Variants in OTOP1 observed in about 807,000 individuals in gnomAD.
The protein encoded by OTOP1 is proton channel OTOP1.
Under a neutral mutation model 52.9 loss-of-function variants are expected in OTOP1, and 59 were observed. The ratio of observed to expected loss-of-function variants is 1.12; its 90% CI spans 0.91 to 1.39. The LOEUF is 1.39. Among genes scored for constraint, OTOP1 ranks in the 40% most tolerant of loss-of-function variants. The pLI is 0.00. For synonymous variants in OTOP1, 317 were observed against 337.7 expected (o/e 0.94, Z 0.67); for missense variants, 761 against 800.9 (o/e 0.95, Z 0.60).
In OTOP1 at chr4:4,212,810, A is replaced by G. The variant is rs968874364; in HGVS notation, c.540+58T>C. ...ACGTCTTGATGTTACAAGTTTCTAC[A>G]CAACCTGGGATACACTTCATAGGAA... On this transcript the variant is annotated intron_variant, in intron 2 of 5. Transcript: ENST00000296358. 3.8e-6 allele frequency: 6 copies of G among 1,587,712 alleles called. No individual in the cohort carries two copies. In the African/African-American group the frequency reaches 8.1e-5, roughly 21 times the overall value.
chr4:4,222,115 G>A (rs1425783857), intron 1 of OTOP1, among the ~76,000 whole-genome samples: 1 of 152,132 alleles, frequency 6.6e-6, no homozygotes, highest in East Asian at 1.9e-4. Flanking sequence ...TGTGCCAGGA[G>A]CTCAGGATAC....
At chr4:4,219,515 C>A (rs1485193412) in intron 1 of OTOP1, among the ~76,000 whole-genome samples, 2 of 151,908 alleles carry the variant, frequency 1.3e-5, no homozygotes, top group East Asian at 1.9e-4. Flanking sequence ...TCCTGGCCAA[C>A]ACGGTGAAAC....
chr4:4,219,430 G>A (rs1002124867), intron 1 of OTOP1, among the ~76,000 whole-genome samples: 7 of 152,134 alleles, frequency 4.6e-5, no homozygotes, highest in East Asian at 3.8e-4. Flanking sequence ...TGCCGGGCGC[G>A]GTGGCTCACG....
chr4:4,197,976 G>C lies in OTOP1; in HGVS notation c.858C>G (p.Tyr286Ter), dbSNP rs779783904. ...EYQILASTML[Y>*]VLWKNIGRKV... ...TGCGCCCGATGTTCTTCCACAGGAC[G>C]TAGAGCATTGTGGAGGCCAGGATCT... is the stretch of plus-strand genomic sequence containing the variant. The change falls in exon 5 of 6, where the codon TAC (tyrosine) becomes TAG (stop). Residue 286 changes from tyrosine to a stop codon, truncating the protein, a stop_gained. Coordinates refer to ENST00000296358, the MANE Select transcript of OTOP1 (RefSeq NM_177998.3). LOFTEE classifies it high-confidence loss of function. 7 of 1,614,086 alleles carry C rather than the reference G, an allele frequency of 4.3e-6. No individual in the cohort carries two copies. Among genetic ancestry groups the C allele is most frequent in the Non-Finnish European group, 5.9e-6 (7 of 1,180,018 alleles).
chr4:4,196,058 T>C (rs1304574764), intron 5 of OTOP1, among the ~76,000 whole-genome samples: 1 of 152,238 alleles, frequency 6.6e-6, no homozygotes, highest in African/African-American at 2.4e-5. Context: ...TATTACAAGC[T>C]GCCTCCATTC....
intron 1 of OTOP1, among the ~76,000 whole-genome samples, chr4:4,214,592 T>C (rs1191677407): frequency 6.6e-6 from 1 of 152,124 alleles, no homozygotes; most frequent in Non-Finnish European, 1.5e-5. Context: ...CAATGAGGTA[T>C]AGACATACAA....
intron 4 of OTOP1, 152 bp downstream of exon 4, chr4:4,202,296 T>G: frequency 9.5e-7 from 1 of 1,055,072 alleles, no homozygotes; most frequent in East Asian, 2.7e-5. Context: ...TTTGGAAGAT[T>G]TTCAACAACA....
At chr4:4,220,100 TATATA>T (rs1480933205) in intron 1 of OTOP1, among the ~76,000 whole-genome samples, 3,384 of 94,556 alleles carry the variant, frequency 0.036, 349 homozygotes, top group African/African-American at 0.15. Context: ...TATATATATA[TATATA>T]TTTTTTTTTT....
chr4:4,222,391 T>C (rs1013209161), intron 1 of OTOP1, among the ~76,000 whole-genome samples: 1 of 152,074 alleles, frequency 6.6e-6, no homozygotes, highest in Non-Finnish European at 1.5e-5. Flanking sequence ...GACCTCCGCA[T>C]CCTTCTCTCT....
chr4:4,189,481 C>A (rs1443774769), intron 5 of OTOP1, among the ~76,000 whole-genome samples: 1 of 152,194 alleles, frequency 6.6e-6, no homozygotes, highest in African/African-American at 2.4e-5. Flanking sequence ...CCGGCTGTAG[C>A]CTTCTTCAGC....
intron 3 of OTOP1, among the ~76,000 whole-genome samples, chr4:4,205,015 G>A (rs920359565): frequency 3.2e-4 from 49 of 152,030 alleles, no homozygotes; most frequent in African/African-American, 1.0e-3. Flanking sequence ...TTCGTGATCC[G>A]CCCACCTGGG....
rs147648770 is a variant in OTOP1, at chr4:4,188,959, G to A, written c.1683C>T (p.Pro561=). 7.4e-6 allele frequency: 12 copies of A among 1,612,340 alleles called. No individual in the cohort carries two copies. The highest frequency in any genetic ancestry group is 4.0e-5 in the African/African-American group (3 of 74,848). The change falls in exon 6 of 6, where the codon CCC becomes CCT. Residue 561 remains proline (P), a synonymous_variant. Transcript: ENST00000296358. ...CATACTCAGGTCGACAGCCAAAGGC[G>A]GGAGGTATCCAAAGCTGCAAGAGAA... ...FLCNISLWIP[P]AFGCRPEYDN...
chr4:4,201,471 TAC>T lies in OTOP1; in HGVS notation c.730+975_730+976del, dbSNP rs762922216. ...GAATAAATAAATAAATATATATATATACACACACACACACACACACACACACA... is the reference window on the plus strand; with the variant it reads ...GAATAAATAAATAAATATATATATATACACACACACACACACACACACACA... On this transcript the variant is annotated intron_variant, in intron 4 of 5. Coordinates refer to ENST00000296358, the MANE Select transcript of OTOP1 (RefSeq NM_177998.3). Among the ~76,000 whole-genome samples the T allele has an allele frequency of 5.8e-3, 818 of 140,818 alleles. 3 individuals are homozygous for T. The highest frequency in any genetic ancestry group is 8.7e-3 in the Non-Finnish European group (568 of 65,632). The allele number at this position is 140,818 out of a possible 152,430, so 92.4% of individuals were successfully genotyped here.
intron 5 of OTOP1, among the ~76,000 whole-genome samples, chr4:4,192,891 G>T (rs1488106077): frequency 6.6e-6 from 1 of 152,120 alleles, no homozygotes; most frequent in South Asian, 2.1e-4. Flanking sequence ...GGGGAGAATG[G>T]GGAGTTCATA....
At chr4:4,219,836 C>CAT (rs71169624) in intron 1 of OTOP1, among the ~76,000 whole-genome samples, 61,681 of 141,064 alleles carry the variant, frequency 0.44, 15,704 homozygotes, top group Non-Finnish European at 0.59. Context: ...TATGTGTATA[C>CAT]ATATATATAC....
intron 3 of OTOP1, among the ~76,000 whole-genome samples, chr4:4,204,453 C>T (rs1302986319): frequency 1.3e-5 from 2 of 152,186 alleles, no homozygotes; most frequent in African/African-American, 4.8e-5. Context: ...GTCCAAATGG[C>T]ACTGTCCAGT....
At position 4,219,042 on chromosome 4, in the gene OTOP1, A is replaced by G. The variant is rs147981334; in HGVS notation, c.404-6038T>C. On this transcript the variant is annotated intron_variant, in intron 1 of 5. Transcript: ENST00000296358. ...AATTTTTCAAATGCTCAAAAAAGGC[A>G]AACATGTGGAAAAGGAAAAGGAGGA... Among the ~76,000 whole-genome samples the G allele has an allele frequency of 1.5e-3, 223 of 152,308 alleles. 1 individual carries two copies. The highest frequency in any genetic ancestry group is 4.5e-3 in the African/African-American group (185 of 41,544).
chr4:4,200,829 A>AT (rs1217707106), intron 4 of OTOP1, among the ~76,000 whole-genome samples: 1 of 151,070 alleles, frequency 6.6e-6, no homozygotes, highest in African/African-American at 2.4e-5. Context: ...AAGTGCTCAG[A>AT]TTACAGGCAT....
intron 5 of OTOP1, among the ~76,000 whole-genome samples, chr4:4,195,372 G>A (rs1036807230): frequency 6.6e-6 from 1 of 152,188 alleles, no homozygotes; most frequent in Non-Finnish European, 1.5e-5. Context: ...GTGAGTGACT[G>A]TACACCTTCC....
Sources: gnomAD v4.1 joint callset for allele counts (sites outside exome capture counted in the v4.1 genomes callset) on GRCh38, gnomAD v4.1.1 for gene constraint, MANE v1.5 for transcripts, NCBI Gene and HGNC (gene_info 2026-07-23, HGNC 2026-07-21) for gene names.